ABCA6: variants seen among roughly 807,000 people sequenced by gnomAD.
The protein encoded by ABCA6 is ATP binding cassette subfamily A member 6.
In ABCA6, 164 loss-of-function variants were observed where a neutral mutation model predicts 191.2. The observed-to-expected ratio is 0.86, with a 90% CI of 0.76 to 0.98. The LOEUF (loss-of-function observed/expected upper bound fraction) is 0.98, where lower values mean the gene tolerates loss of function less well. ABCA6 is among the 50% of genes least tolerant of loss of function. The probability of loss-of-function intolerance (pLI) is 0.00; values close to 1 mark genes in which losing one functional copy is unlikely to be tolerated. For synonymous variants in ABCA6, 636 were observed against 647.7 expected (o/e 0.98, Z 0.27); for missense variants, 1,958 against 1,894.1 (o/e 1.03, Z -0.63).
intron 21 of ABCA6, 83 bp downstream of exon 21, chr17:69,102,752 A>G: frequency 2.3e-6 from 3 of 1,327,650 alleles, no homozygotes; most frequent in Non-Finnish European, 2.0e-6. Flanking sequence ...GTTTCTGTAT[A>G]CTAGCTTTAA....
intron 10 of ABCA6, 88 bp downstream of exon 10, chr17:69,123,151 C>T: frequency 1.1e-6 from 1 of 880,426 alleles, no homozygotes; most frequent in East Asian, 4.2e-5. Context: ...TACCCTAAAA[C>T]TTAAAGTATA....
At position 69,124,901 on chromosome 17, in the gene ABCA6, G is replaced by A. The variant is rs1046173554; in HGVS notation, c.1254C>T (p.Asp418=). 4 of 1,560,696 alleles carry A rather than the reference G, an allele frequency of 2.6e-6. No individual in the cohort carries two copies. The highest frequency in any genetic ancestry group is 2.6e-6 in the Non-Finnish European group (3 of 1,155,658). Reference sequence around the variant, plus strand: ...ACTATTACTTACAGGGTAAAATTTTGTCAAAGTATAATGCCAATAGCAAGT... The same window carrying A: ...ACTATTACTTACAGGGTAAAATTTTATCAAAGTATAATGCCAATAGCAAGT... ...LIYLLLALYF[D]KILPYGDERH... is the part of the protein sequence containing the mutation. The change falls in exon 9 of 39, where the codon GAC becomes GAT. Residue 418 remains aspartate (D), a synonymous_variant. Transcript: ENST00000284425.
intron 26 of ABCA6, among the ~76,000 whole-genome samples, chr17:69,089,850 T>C (rs528755975): frequency 5.3e-5 from 8 of 152,310 alleles, no homozygotes; most frequent in South Asian, 4.1e-4. Flanking sequence ...AACAGTAATA[T>C]GCTATTACTG....
At chr17:69,130,722 T>G (rs757955335) in intron 6 of ABCA6, among the ~76,000 whole-genome samples, 1 of 152,204 alleles carries the variant, frequency 6.6e-6, no homozygotes, top group Non-Finnish European at 1.5e-5. Context: ...AATTGTAGAA[T>G]TGGAAGCAAC....
At chr17:69,137,732 C>G (rs1003138485) in intron 2 of ABCA6, among the ~76,000 whole-genome samples, 49 of 152,116 alleles carry the variant, frequency 3.2e-4, no homozygotes, top group Non-Finnish European at 6.5e-4. Flanking sequence ...ATCATGAACT[C>G]CTGCAGAAGC....
chr17:69,115,364 C>G lies in ABCA6; in HGVS notation c.1606+12G>C. 6.3e-7 allele frequency: 1 copy of G among 1,592,412 alleles called. No individual in the cohort carries two copies. Among genetic ancestry groups the G allele is most frequent in the Non-Finnish European group, 8.6e-7 (1 of 1,167,362 alleles). ...AAGACATCTTGCCTTTGAGAAATTT[C>G]TTTTTACTCACCTTCTGTTGGAACA... On this transcript the variant is annotated intron_variant, in intron 12 of 38. Coordinates refer to ENST00000284425, the MANE Select transcript of ABCA6 (RefSeq NM_080284.3).
Position 69,083,251 on chromosome 17 carries a change from AAGGCTTC to A in ABCA6, c.4429_4435del (p.Glu1477CysfsTer22). The A allele has an allele frequency of 6.2e-7, 1 of 1,610,152 alleles. No individual in the cohort carries two copies. Among genetic ancestry groups the A allele is most frequent in the South Asian group, 1.1e-5 (1 of 90,350 alleles). The stretch of plus-strand genomic sequence containing the variant: ...CACCATGATGGCCACACGGTCACAC[AAGGCTTC>A]CGCCTCAGCCAGGTTATGGGTGGTC... On this transcript the variant is annotated frameshift_variant, in exon 35 of 39. Coordinates refer to ENST00000284425, the MANE Select transcript of ABCA6 (RefSeq NM_080284.3). LOFTEE classifies it high-confidence loss of function.
rs2073947146 is a variant in ABCA6 at position 69,136,253 on chromosome 17, G to A, written c.302-3C>T. 6.6e-7 allele frequency: 1 copy of A among 1,525,448 alleles called. No individual in the cohort carries two copies. The highest frequency in any genetic ancestry group is 2.3e-5 in the East Asian group (1 of 42,890). 94.5% of individuals were successfully genotyped at this position (1,525,448 alleles called of 1,614,324 possible). A position where few individuals can be genotyped will look rare whatever the true frequency, so the allele number is the denominator to read the frequency against. On this transcript the variant is annotated splice_region_variant and splice_polypyrimidine_tract_variant and intron_variant, in intron 3 of 38. Transcript: ENST00000284425. ...TGGTGCCCCAATGACACTTGTTCCTGTGAATTACAAGGTAAAAATAGACAT... is the reference window on the plus strand; with the variant it reads ...TGGTGCCCCAATGACACTTGTTCCTATGAATTACAAGGTAAAAATAGACAT...
At chr17:69,086,520 G>T in intron 30 of ABCA6, 98 bp downstream of exon 30, 1 of 425,268 alleles carries the variant, frequency 2.4e-6, no homozygotes, top group Non-Finnish European at 4.0e-6. Context: ...TAGAATAAAT[G>T]AATGAATGCT....
chr17:69,106,479 G>T (rs2073306354), intron 18 of ABCA6, among the ~76,000 whole-genome samples: 1 of 151,392 alleles, frequency 6.6e-6, no homozygotes, highest in East Asian at 2.0e-4. Context: ...TGTAATCTGA[G>T]CTCCTCAGGA....
Position 69,129,601 on chromosome 17 carries a change from T to A in ABCA6, c.933+9A>T, listed in dbSNP as rs200668842. The stretch of plus-strand genomic sequence containing the variant: ...AGCAGAGAAAGTGGTAATAAATGTA[T>A]CAACTTACCAAAGATAAGCCATATA... On this transcript the variant is annotated intron_variant, in intron 7 of 38. Transcript: ENST00000284425. 2 of 1,578,246 alleles carry A rather than the reference T, an allele frequency of 1.3e-6. No homozygotes were observed. Among genetic ancestry groups the A allele is most frequent in the East Asian group, 4.5e-5 (2 of 44,486 alleles).
intron 7 of ABCA6, 21 bp downstream of exon 7, chr17:69,129,589 G>C: frequency 6.4e-7 from 1 of 1,561,136 alleles, no homozygotes; most frequent in Non-Finnish European, 8.7e-7. Flanking sequence ...AGAGAAAGTG[G>C]TAATAAATGT....
At chr17:69,114,726 G>A (rs746286613) in intron 13 of ABCA6, 36 bp downstream of exon 13, 7 of 1,559,950 alleles carry the variant, frequency 4.5e-6, no homozygotes, top group Admixed American at 1.9e-5. Flanking sequence ...TTGGTAAGTG[G>A]TTGGCAGGTC....
chr17:69,113,462 A>G, intron 14 of ABCA6, 102 bp from the exon 15 acceptor site: 2 of 1,518,482 alleles, frequency 1.3e-6, no homozygotes, highest in Admixed American at 4.3e-5. Flanking sequence ...ATAACCATCC[A>G]GCCATTTTTC....
intron 25 of ABCA6, chr17:69,094,747 A>G (rs1390212265): frequency 6.1e-6 from 1 of 164,914 alleles, no homozygotes. Flanking sequence ...CACATAGCAA[A>G]AAATGTGTCC....
intron 8 of ABCA6, among the ~76,000 whole-genome samples, chr17:69,125,250 G>A (rs2073729104): frequency 6.6e-6 from 1 of 151,538 alleles, no homozygotes; most frequent in African/African-American, 2.4e-5. Context: ...TAAATACAAT[G>A]TTCTAAGTAT....
intron 34 of ABCA6, 124 bp from the exon 35 acceptor site, chr17:69,083,455 G>T (rs549380092): frequency 1.1e-6 from 1 of 921,336 alleles, no homozygotes; most frequent in Non-Finnish European, 1.5e-6. Flanking sequence ...TGTAAGTACT[G>T]ACTAGGTTTT....
chr17:69,115,457 T>C lies in ABCA6; in HGVS notation c.1525A>G (p.Ile509Val), dbSNP rs781012617. The C allele has an allele frequency of 1.9e-6, 3 of 1,611,818 alleles. No individual in the cohort carries two copies. The highest frequency in any genetic ancestry group is 2.2e-5 in the South Asian group (2 of 90,802). ...CCACTGTGACCCAGGATTGCCGTGATTTGACCTTCATATATGTCAAAGAGC... is the reference window on the plus strand; with the variant it reads ...CCACTGTGACCCAGGATTGCCGTGACTTGACCTTCATATATGTCAAAGAGC... ...GLLFDIYEGQ[I>V]TAILGHSGAG... Residue 509 changes from isoleucine (I) to valine (V), a missense_variant, in exon 12 of 39, where the codon ATC becomes GTC. Coordinates refer to ENST00000284425, the MANE Select transcript of ABCA6 (RefSeq NM_080284.3).
chr17:69,139,142 C>T (rs1481349587), intron 2 of ABCA6, among the ~76,000 whole-genome samples: 3 of 152,070 alleles, frequency 2.0e-5, no homozygotes, highest in Admixed American at 1.3e-4. Flanking sequence ...AAGAAACTAC[C>T]ATCAGGGTGA....
Sources: gnomAD v4.1 joint callset for allele counts (sites outside exome capture counted in the v4.1 genomes callset) on GRCh38, gnomAD v4.1.1 for gene constraint, MANE v1.5 for transcripts, NCBI Gene and HGNC (gene_info 2026-07-23, HGNC 2026-07-21) for gene names.